The following KLHL18 variants were observed in gnomAD, a reference collection of about 807,000 sequenced individuals.
KLHL18 encodes kelch like family member 18.
KLHL18 carries 38 observed loss-of-function variants against 58.5 expected under a neutral mutation model. The ratio of observed to expected loss-of-function variants is 0.65; its 90% CI spans 0.50 to 0.85. The LOEUF (loss-of-function observed/expected upper bound fraction) is 0.85. KLHL18 is among the 40% of genes least tolerant of loss of function. The pLI is 0.00. For synonymous variants in KLHL18, 303 were observed against 301.9 expected (o/e 1.00, Z -0.04); for missense variants, 624 against 778.4 (o/e 0.80, Z 2.36).
At chr3:47,331,000 G>A (rs1183707472) in intron 4 of KLHL18, among the ~76,000 whole-genome samples, 1 of 152,148 alleles carries the variant, frequency 6.6e-6, no homozygotes, top group Non-Finnish European at 1.5e-5. Context: ...CCAAAGTGCT[G>A]GGTTTACAGG....
At chr3:47,297,745 A>T (rs189497414) in intron 1 of KLHL18, 7 of 420,320 alleles carry the variant, frequency 1.7e-5, no homozygotes, top group Admixed American at 5.4e-5. Context: ...AATAGGCTTT[A>T]GAATTCATTA....
chr3:47,324,340 C>A (rs1703666349), intron 3 of KLHL18, among the ~76,000 whole-genome samples: 1 of 52,844 alleles, frequency 1.9e-5, no homozygotes, highest in Non-Finnish European at 3.8e-5. Context: ...AGGTAGAGCC[C>A]CAGGCTTGGA....
rs556475974 is a variant in KLHL18, at chr3:47,331,090, GC to G, written c.600+942del. On this transcript the variant is annotated intron_variant, in intron 4 of 9. Coordinates refer to ENST00000232766, the MANE Select transcript of KLHL18 (RefSeq NM_025010.5). ...TAAGGAAGAACAGAACATTGGGGCA[GC>G]TGTGGGAGGGGTCTGTGAAATCAAG... 1.1e-3 allele frequency among the ~76,000 whole-genome samples: 170 copies of G among 152,222 alleles called. 1 individual carries two copies. Among genetic ancestry groups the G allele is most frequent in the Middle Eastern group, 6.8e-3 (2 of 294 alleles).
intron 1 of KLHL18, among the ~76,000 whole-genome samples, chr3:47,303,021 T>A (rs921292143): frequency 6.6e-6 from 1 of 152,322 alleles, no homozygotes; most frequent in Middle Eastern, 3.4e-3. Context: ...TTCTCAAAGA[T>A]CTATATCTTG....
chr3:47,302,681 G>T (rs1703052889), intron 1 of KLHL18, among the ~76,000 whole-genome samples: 2 of 152,196 alleles, frequency 1.3e-5, no homozygotes, highest in South Asian at 4.1e-4. Flanking sequence ...GACCTACACA[G>T]TTCAAGCCGG....
intron 1 of KLHL18, among the ~76,000 whole-genome samples, chr3:47,312,817 C>T (rs1703333636): frequency 6.6e-6 from 1 of 151,774 alleles, no homozygotes; most frequent in Non-Finnish European, 1.5e-5. Flanking sequence ...TAGTTTAGTC[C>T]TTTTTTTAAA....
chr3:47,316,676 T>C lies in KLHL18; in HGVS notation c.130-2977T>C, dbSNP rs1703449335. 1.7e-4 allele frequency among the ~76,000 whole-genome samples: 14 copies of C among 84,610 alleles called. No homozygotes were observed. The South Asian group carries it at 4.2e-3, about 26-fold the overall frequency. The allele number at this position is 84,610 out of a possible 152,430, so 55.5% of individuals were successfully genotyped here. A position where few individuals can be genotyped will look rare whatever the true frequency, so the allele number is the denominator to read the frequency against. On this transcript the variant is annotated intron_variant, in intron 1 of 9. Transcript: ENST00000232766. ...GTATATATACATATATACGTATATATGTATATGTGTGTGTATATATACATA... is the reference window on the plus strand; with the variant it reads ...GTATATATACATATATACGTATATACGTATATGTGTGTGTATATATACATA...
intron 1 of KLHL18, among the ~76,000 whole-genome samples, chr3:47,310,897 C>G (rs1454655866): frequency 1.3e-5 from 2 of 152,200 alleles, no homozygotes; most frequent in Admixed American, 1.3e-4. Context: ...AGGCAGTGGT[C>G]TCATGGCTGG....
At chr3:47,321,489 A>G (rs568897327) in intron 2 of KLHL18, among the ~76,000 whole-genome samples, 43 of 152,202 alleles carry the variant, frequency 2.8e-4, no homozygotes, top group Non-Finnish European at 5.7e-4. Flanking sequence ...AGCTGGGACT[A>G]CAGGCTCATG....
Position 47,344,244 on chromosome 3 carries a change from G to A in KLHL18, c.*303G>A, listed in dbSNP as rs549236491. 3.2e-5 allele frequency: 13 copies of A among 411,578 alleles called. No homozygotes were observed. Among genetic ancestry groups the A allele is most frequent in the Non-Finnish European group, 5.2e-5 (12 of 228,854 alleles). 25.5% of individuals were successfully genotyped at this position (411,578 alleles called of 1,614,324 possible). On this transcript the variant is annotated 3_prime_UTR_variant, in exon 10 of 10. Coordinates refer to ENST00000232766, the MANE Select transcript of KLHL18 (RefSeq NM_025010.5). ...CATCCAGGCCCAGCTCCTACCCACC[G>A]CCTCTCTGTGGGCCAGCTGTTCACA...
chr3:47,317,766 G>A (rs1703489968), intron 1 of KLHL18, among the ~76,000 whole-genome samples: 1 of 152,204 alleles, frequency 6.6e-6, no homozygotes, highest in African/African-American at 2.4e-5. Context: ...TAGGGAGAGT[G>A]TAGGGGATAG....
chr3:47,303,664 TCTC>T (rs1232950587), intron 1 of KLHL18, among the ~76,000 whole-genome samples: 10 of 152,102 alleles, frequency 6.6e-5, no homozygotes. Flanking sequence ...CTCAAGCAAT[TCTC>T]CTGTCTTGGC....
chr3:47,297,515 A>G (rs777804491), intron 1 of KLHL18: 6 of 456,380 alleles, frequency 1.3e-5, no homozygotes, highest in Admixed American at 2.3e-5. Flanking sequence ...GCCCTCCACA[A>G]ATTGACCCTA....
chr3:47,300,307 A>ATG (rs1455638771), intron 1 of KLHL18, among the ~76,000 whole-genome samples: 2 of 145,912 alleles, frequency 1.4e-5, no homozygotes, highest in African/African-American at 5.0e-5. Flanking sequence ...ATATATATAT[A>ATG]TATGTGTGTA....
chr3:47,302,922 T>C (rs1703058234), intron 1 of KLHL18, among the ~76,000 whole-genome samples: 2 of 152,238 alleles, frequency 1.3e-5, no homozygotes, highest in Non-Finnish European at 2.9e-5. Flanking sequence ...AATGTCTTCC[T>C]TGTTGTCCAG....
intron 1 of KLHL18, 61 bp from the exon 2 acceptor site, chr3:47,319,592 G>T (rs2302278): frequency 0.39 from 597,194 of 1,526,344 alleles, 106,538 homozygotes; most frequent in African/African-American, 0.54. Context: ...GGGTTTTTTT[G>T]TTTGTTTGTT....
Position 47,319,660 on chromosome 3 carries a change from A to G in KLHL18, c.137A>G (p.Asp46Gly), listed in dbSNP as rs1413161492. The change falls in exon 2 of 10, where the codon GAC (aspartate) becomes GGC (glycine). Residue 46 changes from aspartate to glycine, a missense_variant. Transcript: ENST00000232766. The stretch of plus-strand genomic sequence containing the variant: ...ATTTTACTTTGCCCACAGATTGGGG[A>G]CCACAAATTCAGTGCCCACCGGATT... The part of the protein sequence containing the change: ...KLCDVTLKIG[D>G]HKFSAHRIVL... 1 of 1,612,984 alleles carries G rather than the reference A, an allele frequency of 6.2e-7. No homozygotes were observed. The highest frequency in any genetic ancestry group is 1.3e-5 in the African/African-American group (1 of 74,684).
chr3:47,292,611 A>T (rs1336031831), intron 1 of KLHL18, among the ~76,000 whole-genome samples: 2 of 152,094 alleles, frequency 1.3e-5, no homozygotes, highest in African/African-American at 4.8e-5. Context: ...TGGATAAACA[A>T]AATATGGTAT....
chr3:47,344,216 C>T lies in KLHL18; in HGVS notation c.*275C>T. 1 of 487,136 alleles carries T rather than the reference C, an allele frequency of 2.1e-6. No homozygotes were observed. Among genetic ancestry groups the T allele is most frequent in the Non-Finnish European group, 3.6e-6 (1 of 275,066 alleles). The allele number at this position is 487,136 out of a possible 1,614,324, so 30.2% of individuals were successfully genotyped here. A position where few individuals can be genotyped will look rare whatever the true frequency, so the allele number is the denominator to read the frequency against. ...GTTTTCTGGTCCACATGAACACAGG[C>T]TCCATCCAGGCCCAGCTCCTACCCA... is the stretch of plus-strand genomic sequence containing the variant. On this transcript the variant is annotated 3_prime_UTR_variant, in exon 10 of 10. Coordinates refer to ENST00000232766, the MANE Select transcript of KLHL18 (RefSeq NM_025010.5).
Sources: allele counts gnomAD v4.1 joint callset (sites outside exome capture counted in the v4.1 genomes callset), GRCh38; gene constraint gnomAD v4.1.1; transcripts MANE v1.5; gene names NCBI Gene and HGNC (gene_info 2026-07-23, HGNC 2026-07-21).